GSE1: variants seen among roughly 807,000 people sequenced by gnomAD.
The protein encoded by GSE1 is Gse1 coiled-coil protein, also known as genetic suppressor element 1.
Under a neutral mutation model 112.6 loss-of-function variants are expected in GSE1, and 32 were observed. The observed-to-expected ratio is 0.28, with a 90% CI of 0.21 to 0.38. The LOEUF is 0.38. Ranked by LOEUF, GSE1 falls within the 10% of genes least tolerant of loss-of-function variation. GSE1 has a pLI of 1.00. For missense variants in GSE1, 2,348 were observed against 1,699.2 expected, an observed-to-expected ratio of 1.38 and a Z score of -6.71; for synonymous variants, 1,115 against 735.6, an observed-to-expected ratio of 1.52 and a Z score of -8.35.
chr16:85,545,191 C>T (rs1410681865), intron 2 of GSE1, among the ~76,000 whole-genome samples: 1 of 152,250 alleles, frequency 6.6e-6, no homozygotes, highest in Non-Finnish European at 1.5e-5. Context: ...GCTATGTGGC[C>T]TGGGCAGTCC....
upstream of GSE1, among the ~76,000 whole-genome samples, chr16:85,607,877 G>A (rs1002178650): frequency 6.6e-6 from 1 of 152,172 alleles, no homozygotes; most frequent in African/African-American, 2.4e-5. Context: ...GGGAGTCTGG[G>A]ACTCCAGCAG....
intron 2 of GSE1, among the ~76,000 whole-genome samples, chr16:85,645,058 C>T (rs989358178): frequency 1.3e-5 from 2 of 151,562 alleles, no homozygotes; most frequent in Non-Finnish European, 1.5e-5. Flanking sequence ...GCGTGGTGCC[C>T]CGCCCTGCAG....
intron 1 of GSE1, among the ~76,000 whole-genome samples, chr16:85,279,663 C>T (rs1440490333): frequency 6.6e-6 from 1 of 152,170 alleles, no homozygotes; most frequent in Non-Finnish European, 1.5e-5. Context: ...GGTCAGAGCT[C>T]AGTTTCCTCC....
chr16:85,208,605 G>A (rs1418116535), intron 1 of GSE1, among the ~76,000 whole-genome samples: 1 of 151,932 alleles, frequency 6.6e-6, no homozygotes, highest in African/African-American at 2.4e-5. Flanking sequence ...GGACCAGATT[G>A]TAGATACCTT....
chr16:85,565,176 G>A (rs1357431964), intron 1 of GSE1, among the ~76,000 whole-genome samples: 2 of 152,038 alleles, frequency 1.3e-5, no homozygotes, highest in African/African-American at 2.4e-5. Flanking sequence ...TGGATCACGA[G>A]GTCACGAGTT....
intron 2 of GSE1, among the ~76,000 whole-genome samples, chr16:85,537,271 G>A (rs2044362234): frequency 6.6e-6 from 1 of 152,228 alleles, no homozygotes; most frequent in Admixed American, 6.5e-5. Context: ...TGGGCTGTGT[G>A]AAGAGGAGCC....
At chr16:85,487,423 C>T (rs11864862) in intron 2 of GSE1, among the ~76,000 whole-genome samples, 3,067 of 152,230 alleles carry the variant, frequency 0.02, 96 homozygotes, top group African/African-American at 0.069. Context: ...TGAGAACCCT[C>T]GCATGGTCTA....
At chr16:85,556,798 A>T (rs1303461537) in intron 1 of GSE1, among the ~76,000 whole-genome samples, 1 of 86,578 alleles carries the variant, frequency 1.2e-5, no homozygotes, top group African/African-American at 4.7e-5. Flanking sequence ...CCTCCAGCCA[A>T]CCCCCTTGCG....
At chr16:85,411,759 C>T (rs201270765) in intron 2 of GSE1, among the ~76,000 whole-genome samples, 2,365 of 5,226 alleles carry the variant, frequency 0.45, 316 homozygotes, top group Admixed American at 0.66. Context: ...TAATCCTCAC[C>T]GTTACACTCA....
At chr16:85,545,339 C>T (rs1357824888) in intron 2 of GSE1, among the ~76,000 whole-genome samples, 1 of 152,212 alleles carries the variant, frequency 6.6e-6, no homozygotes, top group Non-Finnish European at 1.5e-5. Context: ...GCAGCTTGCT[C>T]CAGGGGCAGC....
intron 1 of GSE1, among the ~76,000 whole-genome samples, chr16:85,340,858 C>G (rs1437802769): frequency 6.6e-6 from 1 of 152,196 alleles, no homozygotes; most frequent in Non-Finnish European, 1.5e-5. Flanking sequence ...CCCTGAGCTG[C>G]TCCACTCCCG....
In GSE1 at chr16:85,189,474, G is replaced by T. The variant is rs527964711; in HGVS notation, c.2283+17667G>T. ...ACTGCACTTGGCAAAATCACAGCTG[G>T]CAAGATCAAAGTCTCAGTGAAAATG... On this transcript the variant is annotated intron_variant, in intron 1 of 2. Coordinates refer to the GSE1 transcript ENST00000637419. Among the ~76,000 whole-genome samples, 18 of 152,284 alleles carry T rather than the reference G, an allele frequency of 1.2e-4. 1 individual carries two copies. Among genetic ancestry groups the T allele is most frequent in the South Asian group, 4.1e-4 (2 of 4,832 alleles).
chr16:85,253,753 C>G (rs1169504041), intron 1 of GSE1, among the ~76,000 whole-genome samples: 1 of 151,724 alleles, frequency 6.6e-6, no homozygotes, highest in Non-Finnish European at 1.5e-5. Context: ...GGGAACTGTG[C>G]GTGCAAAGGC....
chr16:85,504,846 C>G (rs4782710), intron 2 of GSE1, among the ~76,000 whole-genome samples: 52 of 152,072 alleles, frequency 3.4e-4, no homozygotes, highest in African/African-American at 1.2e-3. Flanking sequence ...TGGCTCTGGC[C>G]TTGGCTCTGC....
chr16:85,386,036 G>A (rs2047681364), intron 2 of GSE1, among the ~76,000 whole-genome samples: 1 of 152,208 alleles, frequency 6.6e-6, no homozygotes, highest in Admixed American at 6.5e-5. Flanking sequence ...GGCTGTCTGG[G>A]CCTCCCGTGG....
intron 1 of GSE1, among the ~76,000 whole-genome samples, chr16:85,629,486 C>T (rs996591279): frequency 7.9e-5 from 12 of 152,232 alleles, no homozygotes; most frequent in East Asian, 5.8e-4. Flanking sequence ...CAGCCTGCAC[C>T]GGAGATCGGC....
At position 85,475,776 on chromosome 16, in the gene GSE1, CTTTTTTTTTTT is replaced by C. The variant is rs57562071; in HGVS notation, c.2464+118147_2464+118157del. Among the ~76,000 whole-genome samples, 823 of 145,928 alleles carry C rather than the reference CTTTTTTTTTTT, an allele frequency of 5.6e-3. 9 individuals carry two copies. The highest frequency in any genetic ancestry group is 0.02 in the African/African-American group (782 of 38,754). On this transcript the variant is annotated intron_variant, in intron 2 of 2. Coordinates refer to the GSE1 transcript ENST00000637419. ...GGGAATGTTTCTTCTAATTGTTTTT[CTTTTTTTTTTT>C]TTTTTTTTTTTTTAATACTAGAGAC...
chr16:85,666,037 G>A lies in GSE1; in HGVS notation c.2820G>A (p.Leu940=). ...VEKPVGVAAS[L]SDIPKAAEPG... ...AGCCGGTTGGTGTTGCTGCTTCCTT[G>A]TCTGACATCCCAAAGGCCGCGGAGC... Residue 940 remains leucine (L), a synonymous_variant, in exon 13 of 16, where the codon TTG becomes TTA. Transcript: ENST00000253458. The A allele has an allele frequency of 1.2e-6, 2 of 1,613,668 alleles. No homozygotes were observed. The highest frequency in any genetic ancestry group is 1.7e-6 in the Non-Finnish European group (2 of 1,180,008).
At chr16:85,615,000 G>C (rs926431376) in intron 1 of GSE1, among the ~76,000 whole-genome samples, 26 of 152,212 alleles carry the variant, frequency 1.7e-4, no homozygotes, top group African/African-American at 6.0e-4. Context: ...CCCCCTGGTC[G>C]GCCGTCTCGT....
Sources: gnomAD v4.1 joint callset for allele counts (sites outside exome capture counted in the v4.1 genomes callset) on GRCh38, gnomAD v4.1.1 for gene constraint, MANE v1.5 for transcripts, NCBI Gene and HGNC (gene_info 2026-07-23, HGNC 2026-07-21) for gene names.